Variants in PRKCB observed in about 807,000 individuals in gnomAD.
PRKCB encodes protein kinase C beta type.
PRKCB carries 13 observed loss-of-function variants against 81.5 expected under a neutral mutation model. That is an observed-to-expected ratio of 0.16 (90% CI 0.10 to 0.25). The LOEUF is 0.25. PRKCB is among the 10% of genes least tolerant of loss of function. The pLI, the probability that PRKCB is intolerant of heterozygous loss-of-function variation, is 1.00. For missense variants in PRKCB, 509 were observed against 875.7 expected (o/e 0.58, Z 5.29); for synonymous variants, 335 against 321.4 (o/e 1.04, Z -0.45).
In PRKCB at chr16:24,168,541, CTTTTTTTTTTTTTTTT is replaced by C. The variant is rs56671761; in HGVS notation, c.1240-3715_1240-3700del. On this transcript the variant is annotated intron_variant, in intron 10 of 16. Coordinates refer to ENST00000643927, the MANE Select transcript of PRKCB (RefSeq NM_002738.7). Reference sequence around the variant, plus strand: ...TTCATTATTTTTCTTTCTTCTTCTACTTTTTTTTTTTTTTTTTTTTTTTTTTTTTGAGACAGTTTCA... The same window carrying C: ...TTCATTATTTTTCTTTCTTCTTCTACTTTTTTTTTTTTTGAGACAGTTTCA... 2.7e-4 allele frequency among the ~76,000 whole-genome samples: 21 copies of C among 76,396 alleles called. 1 individual carries two copies. The highest frequency in any genetic ancestry group is 3.9e-4 in the African/African-American group (10 of 25,962). The allele number at this position is 76,396 out of a possible 152,430, so 50.1% of individuals were successfully genotyped here. A position where few individuals can be genotyped will look rare whatever the true frequency, so the allele number is the denominator to read the frequency against.
At chr16:23,891,268 T>C (rs1293291432) in intron 2 of PRKCB, among the ~76,000 whole-genome samples, 1 of 152,030 alleles carries the variant, frequency 6.6e-6, no homozygotes, top group Non-Finnish European at 1.5e-5. Flanking sequence ...GCCTGCGCTG[T>C]TCTTGAACTC....
At chr16:23,838,098 C>T (rs1171558321) in intron 2 of PRKCB, among the ~76,000 whole-genome samples, 1 of 152,176 alleles carries the variant, frequency 6.6e-6, no homozygotes, top group Non-Finnish European at 1.5e-5. Flanking sequence ...GTGTCCCCCT[C>T]CCCCGTCTTT....
At chr16:24,206,720 T>C (rs890227146) in intron 16 of PRKCB, among the ~76,000 whole-genome samples, 3 of 152,210 alleles carry the variant, frequency 2.0e-5, no homozygotes, top group African/African-American at 7.2e-5. Context: ...TGGCAGCACC[T>C]GTCCCATGGT....
intron 2 of PRKCB, among the ~76,000 whole-genome samples, chr16:23,853,492 C>T (rs1962508816): frequency 1.3e-5 from 2 of 152,204 alleles, no homozygotes; most frequent in South Asian, 4.1e-4. Context: ...GAAGGGGGTC[C>T]TGGGACATGT....
At chr16:24,010,845 T>A (rs1711600128) in intron 3 of PRKCB, among the ~76,000 whole-genome samples, 2 of 152,156 alleles carry the variant, frequency 1.3e-5, no homozygotes, top group African/African-American at 2.4e-5. Context: ...AATTACCTAC[T>A]CCCTCAGTCA....
chr16:23,992,351 T>G (rs1596502027), intron 3 of PRKCB, among the ~76,000 whole-genome samples: 1 of 152,238 alleles, frequency 6.6e-6, no homozygotes, highest in Non-Finnish European at 1.5e-5. Flanking sequence ...CTGCCAAATC[T>G]GATTAGATTT....
chr16:24,056,754 G>A (rs1469361746), intron 5 of PRKCB, among the ~76,000 whole-genome samples: 2 of 152,180 alleles, frequency 1.3e-5, no homozygotes, highest in African/African-American at 4.8e-5. Flanking sequence ...ATGATTGGAA[G>A]CTTCCTGAGT....
chr16:23,927,943 G>C (rs1353205734), intron 2 of PRKCB, among the ~76,000 whole-genome samples: 1 of 151,642 alleles, frequency 6.6e-6, no homozygotes, highest in Non-Finnish European at 1.5e-5. Flanking sequence ...GTGGAGATCT[G>C]AGCCTTAGCT....
At chr16:24,037,995 A>G (rs1254464867) in intron 5 of PRKCB, among the ~76,000 whole-genome samples, 2 of 152,124 alleles carry the variant, frequency 1.3e-5, no homozygotes, top group African/African-American at 4.8e-5. Flanking sequence ...AGCCTGGGCA[A>G]CATGTCGAAA....
chr16:24,029,087 G>A (rs1224852598), intron 3 of PRKCB, among the ~76,000 whole-genome samples: 5 of 152,160 alleles, frequency 3.3e-5, no homozygotes, highest in Non-Finnish European at 5.9e-5. Flanking sequence ...CACTGTGCCC[G>A]GCCTGGATGT....
Position 24,123,880 on chromosome 16 carries a change from A to G in PRKCB, c.964A>G (p.Thr322Ala), listed in dbSNP as rs751175487. The change falls in exon 9 of 17, where the codon ACC becomes GCC. Residue 322 changes from threonine (T) to alanine (A), a missense_variant. Transcript: ENST00000643927. ...QGTKVPEEKT[T>A]NTVSKFDNNG... ...AACCAAGGTCCCGGAAGAAAAGACG[A>G]CCAACACTGTCTCCAAATTTGACAA... 1.9e-5 allele frequency: 31 copies of G among 1,614,062 alleles called. No individual in the cohort carries two copies. The highest frequency in any genetic ancestry group is 5.3e-5 in the African/African-American group (4 of 74,928).
At chr16:24,213,245 G>A (rs1567415159) in intron 16 of PRKCB, among the ~76,000 whole-genome samples, 1 of 151,952 alleles carries the variant, frequency 6.6e-6, no homozygotes, top group Non-Finnish European at 1.5e-5. Context: ...ATGTTGGCTA[G>A]GATGGTCTCG....
intron 2 of PRKCB, among the ~76,000 whole-genome samples, chr16:23,942,425 G>T (rs1183743918): frequency 6.6e-6 from 1 of 152,240 alleles, no homozygotes; most frequent in African/African-American, 2.4e-5. Flanking sequence ...TCTCACCAAT[G>T]GTGTGTTCCT....
intron 3 of PRKCB, among the ~76,000 whole-genome samples, chr16:24,026,006 G>C (rs936463550): frequency 2.0e-5 from 3 of 152,216 alleles, no homozygotes; most frequent in Non-Finnish European, 4.4e-5. Flanking sequence ...CTCTCAAGCA[G>C]TGTGTTGAGA....
At chr16:24,213,191 C>T (rs564533840) in intron 16 of PRKCB, among the ~76,000 whole-genome samples, 74 of 152,156 alleles carry the variant, frequency 4.9e-4, no homozygotes, top group African/African-American at 1.6e-3. Flanking sequence ...CCCATCACCA[C>T]GCCTGGCTAA....
At chr16:24,051,977 G>A (rs945025949) in intron 5 of PRKCB, among the ~76,000 whole-genome samples, 4 of 151,860 alleles carry the variant, frequency 2.6e-5, no homozygotes, top group African/African-American at 4.8e-5. Context: ...GGGCATGGTG[G>A]CGGGCACCTG....
At chr16:24,173,713 CTCTT>C (rs111981234) in intron 11 of PRKCB, among the ~76,000 whole-genome samples, 1,543 of 152,312 alleles carry the variant, frequency 0.01, 34 homozygotes, top group African/African-American at 0.035. Context: ...CTCTTGAAAC[CTCTT>C]TCTTTCTGTG....
chr16:24,011,224 C>G (rs1965199023), intron 3 of PRKCB, among the ~76,000 whole-genome samples: 1 of 152,112 alleles, frequency 6.6e-6, no homozygotes, highest in Admixed American at 6.5e-5. Flanking sequence ...GCCAGGTCGT[C>G]CTTCCCACAA....
chr16:24,024,637 C>A (rs567218759), intron 3 of PRKCB, among the ~76,000 whole-genome samples: 3 of 152,174 alleles, frequency 2.0e-5, no homozygotes, highest in Non-Finnish European at 4.4e-5. Context: ...AATTAGCAGC[C>A]TCAGCCCTGG....
Sources: gnomAD v4.1 joint callset for allele counts (sites outside exome capture counted in the v4.1 genomes callset) on GRCh38, gnomAD v4.1.1 for gene constraint, MANE v1.5 for transcripts, NCBI Gene and HGNC (gene_info 2026-07-23, HGNC 2026-07-21) for gene names.